Variants in DAPP1 observed in about 807,000 individuals in gnomAD.
The protein encoded by DAPP1 is dual adapter for phosphotyrosine and 3-phosphotyrosine and 3-phosphoinositide.
DAPP1 carries 20 observed loss-of-function variants against 41.5 expected under a neutral mutation model. The observed-to-expected ratio is 0.48, with a 90% CI of 0.34 to 0.70. DAPP1 has a LOEUF of 0.70. DAPP1 is among the 30% of genes least tolerant of loss of function. The pLI is 0.01. For synonymous variants in DAPP1, 113 were observed against 116.2 expected, an observed-to-expected ratio of 0.97 and a Z score of 0.18; for missense variants, 233 against 333.4, an observed-to-expected ratio of 0.70 and a Z score of 2.35.
rs114742198 is a variant in DAPP1, at chr4:99,845,528, G to A, written c.358+5106G>A. On this transcript the variant is annotated intron_variant, in intron 3 of 8. Transcript: ENST00000512369. Reference sequence around the variant, plus strand: ...GAAGAATTTCTGCTACAATAATGTAGTAGAATGATTGTAGGATATGGCAGG... The same window carrying A: ...GAAGAATTTCTGCTACAATAATGTAATAGAATGATTGTAGGATATGGCAGG... 2.4e-3 allele frequency among the ~76,000 whole-genome samples: 361 copies of A among 152,352 alleles called. 3 individuals are homozygous for A. The highest frequency in any genetic ancestry group is 8.5e-3 in the African/African-American group (353 of 41,576).
Position 99,869,204 on chromosome 4 carries a change from C to CG in DAPP1, c.*1024dup, listed in dbSNP as rs1373558535. On this transcript the variant is annotated 3_prime_UTR_variant, in exon 9 of 9. Coordinates refer to ENST00000512369, the MANE Select transcript of DAPP1 (RefSeq NM_014395.3). Reference sequence around the variant, plus strand: ...TTAAAGAGCAACTTCTATTTCCAGTCGGGGGAGTAACACTAAAGCTACAAG... The same window carrying CG: ...TTAAAGAGCAACTTCTATTTCCAGTCGGGGGGAGTAACACTAAAGCTACAAG... The CG allele has an allele frequency of 1.3e-5, 2 of 152,048 alleles. No individual in the cohort carries two copies. Among genetic ancestry groups the CG allele is most frequent in the African/African-American group, 4.8e-5 (2 of 41,400 alleles). The allele number at this position is 152,048 out of a possible 1,614,324, so 9.4% of individuals were successfully genotyped here.
At chr4:99,864,866 A>T (rs1483442316) in intron 7 of DAPP1, 1 of 152,174 alleles carries the variant, frequency 6.6e-6, no homozygotes, top group African/African-American at 2.4e-5. Context: ...TTTCTCCAGA[A>T]ACTCCCCTAT....
intron 1 of DAPP1, among the ~76,000 whole-genome samples, chr4:99,827,334 A>T (rs539821515): frequency 2.0e-5 from 3 of 152,114 alleles, no homozygotes; most frequent in East Asian, 3.9e-4. Flanking sequence ...GGAGATCGAG[A>T]CCATCCTGGC....
At chr4:99,827,550 AAAACAAAAC>A (rs1722978081) in intron 1 of DAPP1, among the ~76,000 whole-genome samples, 5 of 123,606 alleles carry the variant, frequency 4.0e-5, no homozygotes, top group African/African-American at 1.5e-4. Flanking sequence ...AAACAACAAA[AAAACAAAAC>A]AAAAAACACC....
In DAPP1 at chr4:99,834,211, C is replaced by T. The variant is rs186610388; in HGVS notation, c.102-1412C>T. Among the ~76,000 whole-genome samples the T allele has an allele frequency of 3.9e-5, 6 of 152,200 alleles. No individual in the cohort carries two copies. The East Asian group carries it at 5.8e-4, about 15-fold the overall frequency. ...GAAAATAAAAATAATAAATAATGCT[C>T]GTATGTTTGTAGAATCAGGAGTGGA... On this transcript the variant is annotated intron_variant, in intron 1 of 8. Transcript: ENST00000512369.
chr4:99,854,175 C>A (rs190604759), intron 4 of DAPP1, among the ~76,000 whole-genome samples: 6 of 152,234 alleles, frequency 3.9e-5, no homozygotes, highest in African/African-American at 1.4e-4. Flanking sequence ...AATTGGAGCA[C>A]TCATTGTTTG....
chr4:99,831,253 T>C (rs7666640), intron 1 of DAPP1, among the ~76,000 whole-genome samples: 43,427 of 152,154 alleles, frequency 0.29, 6,826 homozygotes, highest in African/African-American at 0.42. Context: ...CTTTGATGTG[T>C]GTGTGTATAC....
intron 3 of DAPP1, among the ~76,000 whole-genome samples, chr4:99,852,741 A>C (rs773083467): frequency 6.6e-6 from 1 of 152,204 alleles, no homozygotes; most frequent in Non-Finnish European, 1.5e-5. Flanking sequence ...AAATAAGGGC[A>C]ATGGAATGGA....
rs757550910 is a variant in DAPP1, at chr4:99,816,935, G to C, written c.22G>C (p.Glu8Gln). 6.2e-7 allele frequency: 1 copy of C among 1,608,862 alleles called. No homozygotes were observed. Among genetic ancestry groups the C allele is most frequent in the South Asian group, 1.1e-5 (1 of 89,676 alleles). Reference protein sequence around the residue: MGRAELLEGKMSTQDPSD... With the variant: MGRAELLQGKMSTQDPSD... ...GCGAATGGGCAGAGCAGAACTTCTA[G>C]AAGGGAAGATGAGCACCCAGGATCC... is the stretch of plus-strand genomic sequence containing the variant. The change falls in exon 1 of 9, where the codon GAA becomes CAA. Residue 8 changes from glutamate to glutamine, a missense_variant. Physicochemically the swap from Glu to Gln is conservative, Grantham distance 29. Transcript: ENST00000512369.
chr4:99,870,036 T>C lies in DAPP1; in HGVS notation c.*1851T>C, dbSNP rs762657169. 2 of 152,218 alleles carry C rather than the reference T, an allele frequency of 1.3e-5. No individual in the cohort carries two copies. The highest frequency in any genetic ancestry group is 2.9e-5 in the Non-Finnish European group (2 of 68,042). The allele number at this position is 152,218 out of a possible 1,614,324, so 9.4% of individuals were successfully genotyped here. ...GTTTTCTTAGAAACAAATGTGTTTC[T>C]TTGGGTGGGTAATATTGTGTTTTAC... On this transcript the variant is annotated 3_prime_UTR_variant, in exon 9 of 9. Coordinates refer to ENST00000512369, the MANE Select transcript of DAPP1 (RefSeq NM_014395.3).
intron 3 of DAPP1, among the ~76,000 whole-genome samples, chr4:99,851,546 T>TTG (rs1180954452): frequency 5.8e-5 from 8 of 137,908 alleles, no homozygotes; most frequent in Non-Finnish European, 1.3e-4. Context: ...TTTTTTTTTT[T>TTG]TTTTTTTTTT....
At chr4:99,826,101 G>A (rs1031489307) in intron 1 of DAPP1, among the ~76,000 whole-genome samples, 5 of 152,198 alleles carry the variant, frequency 3.3e-5, no homozygotes, top group Admixed American at 3.3e-4. Context: ...CTTAGAGTGT[G>A]AACGCCTAAT....
intron 1 of DAPP1, among the ~76,000 whole-genome samples, chr4:99,819,908 A>T (rs138164167): frequency 0.023 from 3,497 of 152,262 alleles, 55 homozygotes; most frequent in Middle Eastern, 0.034. Context: ...CCTTTCCAGG[A>T]CATATACAAC....
At chr4:99,821,331 G>A (rs1255814524) in intron 1 of DAPP1, among the ~76,000 whole-genome samples, 1 of 152,158 alleles carries the variant, frequency 6.6e-6, no homozygotes, top group Non-Finnish European at 1.5e-5. Flanking sequence ...CTAAGTATAC[G>A]ATCCAGGTCA....
intron 8 of DAPP1, among the ~76,000 whole-genome samples, chr4:99,867,328 A>G (rs115038530): frequency 0.011 from 1,645 of 152,356 alleles, 38 homozygotes; most frequent in African/African-American, 0.037. Flanking sequence ...AAATCATTAT[A>G]CAAGAATTAT....
rs1723305007 is a variant in DAPP1, at chr4:99,836,539, A to G, written c.224+794A>G. ...CCTCAGCCACCCACCCATTAAGCTC[A>G]AACTGTTATTGTGTTACTGTTCTGA... On this transcript the variant is annotated intron_variant, in intron 2 of 8. Transcript: ENST00000512369. Among the ~76,000 whole-genome samples, 2 of 152,182 alleles carry G rather than the reference A, an allele frequency of 1.3e-5. 1 individual carries two copies. Among genetic ancestry groups the G allele is most frequent in the East Asian group, 3.9e-4 (2 of 5,188 alleles).
rs764645861 is a variant in DAPP1 at position 99,865,987 on chromosome 4, T to TAG, written c.687-46_687-45dup. On this transcript the variant is annotated intron_variant, in intron 7 of 8. Transcript: ENST00000512369. ...TATATTATATATATATATATATATA[T>TAG]AGCTAATGATCTGCAATATCTTATG... is the stretch of plus-strand genomic sequence containing the variant. 1.2e-5 allele frequency: 3 copies of TAG among 257,832 alleles called. No individual in the cohort carries two copies. The South Asian group carries it at 1.4e-4, about 12-fold the overall frequency. The allele number at this position is 257,832 out of a possible 1,614,324, so 16.0% of individuals were successfully genotyped here.
intron 3 of DAPP1, among the ~76,000 whole-genome samples, chr4:99,843,305 C>T (rs979381758): frequency 4.0e-4 from 61 of 152,146 alleles, no homozygotes; most frequent in Non-Finnish European, 8.4e-4. Flanking sequence ...GAGTGAAACC[C>T]AGAATATTTG....
chr4:99,823,468 C>A (rs190480187), intron 1 of DAPP1, among the ~76,000 whole-genome samples: 28 of 152,186 alleles, frequency 1.8e-4, no homozygotes, highest in Non-Finnish European at 3.8e-4. Flanking sequence ...TTTCTGTACA[C>A]ACACACAAAC....
Sources: gnomAD v4.1 joint callset for allele counts (sites outside exome capture counted in the v4.1 genomes callset) on GRCh38, gnomAD v4.1.1 for gene constraint, MANE v1.5 for transcripts, NCBI Gene and HGNC (gene_info 2026-07-23, HGNC 2026-07-21) for gene names.